The following ADGRB3 variants were observed in gnomAD, a reference collection of about 807,000 sequenced individuals.
ADGRB3 encodes brain-specific angiogenesis inhibitor 3.
Under a neutral mutation model 193.4 loss-of-function variants are expected in ADGRB3, and 37 were observed. The observed-to-expected ratio is 0.19, with a 90% confidence interval of 0.15 to 0.25. The LOEUF is 0.25. Among genes scored for constraint, ADGRB3 ranks in the 10% least tolerant of loss-of-function variants. The pLI is 1.00. For synonymous variants in ADGRB3, 690 were observed against 644.2 expected, an observed-to-expected ratio of 1.07 and a Z score of -1.08; for missense variants, 1,637 against 1,852.9, an observed-to-expected ratio of 0.88 and a Z score of 2.14.
At chr6:69,008,443 C>T (rs73467722) in intron 11 of ADGRB3, among the ~76,000 whole-genome samples, 5,347 of 152,182 alleles carry the variant, frequency 0.035, 272 homozygotes, top group African/African-American at 0.11. Context: ...TTAATAATCA[C>T]TATTTTGGAC....
chr6:69,368,784 T>C (rs1295289150), intron 29 of ADGRB3, among the ~76,000 whole-genome samples: 1 of 151,988 alleles, frequency 6.6e-6, no homozygotes, highest in Non-Finnish European at 1.5e-5. Context: ...TCCAATAAGA[T>C]GGACAGAAAA....
At chr6:69,358,860 T>C (rs1380400686) in intron 28 of ADGRB3, among the ~76,000 whole-genome samples, 2 of 151,842 alleles carry the variant, frequency 1.3e-5, no homozygotes, top group African/African-American at 2.4e-5. Context: ...GAGGCAGGCA[T>C]TTCTCTCGTA....
At chr6:68,856,044 G>C (rs112390614) in intron 3 of ADGRB3, among the ~76,000 whole-genome samples, 1 of 152,134 alleles carries the variant, frequency 6.6e-6, no homozygotes, top group Non-Finnish European at 1.5e-5. Flanking sequence ...TTAAAAATGG[G>C]AGTAGACCTG....
intron 3 of ADGRB3, among the ~76,000 whole-genome samples, chr6:68,848,281 G>A (rs1053219134): frequency 3.3e-5 from 5 of 151,938 alleles, no homozygotes; most frequent in East Asian, 3.9e-4. Flanking sequence ...TTGCACTCTG[G>A]TAATAATACA....
intron 13 of ADGRB3, among the ~76,000 whole-genome samples, chr6:69,034,474 C>G (rs758858497): frequency 4.0e-5 from 6 of 149,630 alleles, no homozygotes; most frequent in Non-Finnish European, 5.9e-5. Flanking sequence ...ATAGGTGAAA[C>G]AAAATTATAA....
chr6:68,847,623 C>G (rs1302901636), intron 3 of ADGRB3, among the ~76,000 whole-genome samples: 1 of 152,114 alleles, frequency 6.6e-6, no homozygotes. Context: ...GTCTTTTCGC[C>G]CTCTGCCATG....
At chr6:69,154,668 T>C (rs1349925087) in intron 17 of ADGRB3, among the ~76,000 whole-genome samples, 2 of 152,226 alleles carry the variant, frequency 1.3e-5, no homozygotes, top group African/African-American at 4.8e-5. Context: ...CTTGTGTTAG[T>C]GTCAGTCCCT....
At chr6:68,782,875 C>T (rs994413993) in intron 3 of ADGRB3, among the ~76,000 whole-genome samples, 9 of 151,774 alleles carry the variant, frequency 5.9e-5, no homozygotes, top group African/African-American at 2.2e-4. Flanking sequence ...TGGATATTAG[C>T]CCTTTGTCAG....
chr6:69,288,453 G>T (rs1239415568), intron 20 of ADGRB3, among the ~76,000 whole-genome samples: 1 of 152,118 alleles, frequency 6.6e-6, no homozygotes, highest in East Asian at 1.9e-4. Context: ...CACCGTTCAC[G>T]ATAGCAAAGA....
chr6:69,190,947 C>CT (rs34997484), intron 17 of ADGRB3, among the ~76,000 whole-genome samples: 58,401 of 151,866 alleles, frequency 0.38, 12,257 homozygotes, highest in African/African-American at 0.56. Flanking sequence ...CTATGTACCC[C>CT]AGGTTTGTAT....
chr6:68,840,369 C>CTTTTTTTTTTTTT lies in ADGRB3; in HGVS notation c.758-90163_758-90151dup, dbSNP rs752625602. On this transcript the variant is annotated intron_variant, in intron 3 of 31. Coordinates refer to ENST00000370598, the MANE Select transcript of ADGRB3 (RefSeq NM_001704.3). ...GCAGTGGAGTAAGGCACTGGGCAGT[C>CTTTTTTTTTTTTT]TTTTTTTTTTTTTTTTTTTTTTTTT... is the stretch of plus-strand genomic sequence containing the variant. 6.9e-4 allele frequency among the ~76,000 whole-genome samples: 48 copies of CTTTTTTTTTTTTT among 69,428 alleles called. 5 individuals are homozygous for CTTTTTTTTTTTTT. Among genetic ancestry groups the CTTTTTTTTTTTTT allele is most frequent in the Middle Eastern group, 0.01 (1 of 98 alleles). 45.5% of individuals were successfully genotyped at this position (69,428 alleles called of 152,430 possible).
chr6:69,310,355 A>G (rs1768165188), intron 20 of ADGRB3, among the ~76,000 whole-genome samples: 1 of 151,740 alleles, frequency 6.6e-6, no homozygotes, highest in South Asian at 2.1e-4. Flanking sequence ...ACAAAGTTAG[A>G]GGTTATTGTG....
At chr6:69,367,889 G>A (rs550746274) in intron 29 of ADGRB3, among the ~76,000 whole-genome samples, 59 of 150,438 alleles carry the variant, frequency 3.9e-4, no homozygotes, top group African/African-American at 1.2e-3. Flanking sequence ...GTAAACTATC[G>A]CAAGAACAAA....
chr6:68,901,487 T>G (rs190063562), intron 3 of ADGRB3, among the ~76,000 whole-genome samples: 4 of 152,306 alleles, frequency 2.6e-5, no homozygotes, highest in African/African-American at 9.6e-5. Flanking sequence ...TAAACCCAGA[T>G]GCTAAATCCA....
At chr6:69,159,902 A>C (rs1774939163) in intron 17 of ADGRB3, among the ~76,000 whole-genome samples, 1 of 152,156 alleles carries the variant, frequency 6.6e-6, no homozygotes, top group Admixed American at 6.6e-5. Flanking sequence ...TCCCAGTAAA[A>C]GATGACTCTA....
At chr6:69,226,545 G>T (rs978759107) in intron 17 of ADGRB3, among the ~76,000 whole-genome samples, 5 of 152,204 alleles carry the variant, frequency 3.3e-5, no homozygotes, top group Non-Finnish European at 7.3e-5. Context: ...TGTGATAGGT[G>T]CAATGGGCAA....
intron 3 of ADGRB3, among the ~76,000 whole-genome samples, chr6:68,842,130 T>A (rs1047102201): frequency 3.3e-5 from 5 of 151,942 alleles, no homozygotes; most frequent in Non-Finnish European, 7.4e-5. Context: ...TCATTTAACA[T>A]ATAACTATAT....
At chr6:68,990,439 G>T (rs796249416) in intron 10 of ADGRB3, among the ~76,000 whole-genome samples, 43 of 152,234 alleles carry the variant, frequency 2.8e-4, no homozygotes, top group African/African-American at 9.6e-4. Context: ...GCTAATCAGT[G>T]CCAATTGTTA....
chr6:69,198,277 A>G (rs1029110945), intron 17 of ADGRB3, among the ~76,000 whole-genome samples: 2 of 152,112 alleles, frequency 1.3e-5, no homozygotes, highest in African/African-American at 2.4e-5. Context: ...GGCACTCAAG[A>G]CAAGCACCTG....
Sources: allele counts gnomAD v4.1 joint callset (sites outside exome capture counted in the v4.1 genomes callset), GRCh38; gene constraint gnomAD v4.1.1; transcripts MANE v1.5; gene names NCBI Gene and HGNC (gene_info 2026-07-23, HGNC 2026-07-21).